Variants in MPP7 observed in about 807,000 individuals in gnomAD.
The protein encoded by MPP7 is MAGUK p55 subfamily member 7.
A neutral mutation model predicts 76.5 loss-of-function variants in MPP7; 60 were observed. That is an observed-to-expected ratio of 0.78 (90% confidence interval 0.64 to 0.97). The LOEUF is 0.97. Ranked by LOEUF, MPP7 falls within the 50% of genes least tolerant of loss-of-function variation. MPP7 has a pLI of 0.00. For missense variants in MPP7, 641 were observed against 694.0 expected (o/e 0.92, Z 0.86); for synonymous variants, 237 against 244.5 (o/e 0.97, Z 0.29).
chr10:28,239,139 T>C (rs1839178823), intron 1 of MPP7, among the ~76,000 whole-genome samples: 1 of 148,998 alleles, frequency 6.7e-6, no homozygotes, highest in Non-Finnish European at 1.5e-5. Flanking sequence ...TAATTTTTAT[T>C]TTTTTATTTT....
intron 3 of MPP7, among the ~76,000 whole-genome samples, chr10:28,185,188 AATT>A (rs546146561): frequency 6.1e-5 from 9 of 148,486 alleles, no homozygotes; most frequent in Non-Finnish European, 1.2e-4. Flanking sequence ...ATAAGTTATA[AATT>A]ATTATGTTGT....
chr10:28,168,721 T>C (rs1200965776), intron 3 of MPP7, among the ~76,000 whole-genome samples: 3 of 152,144 alleles, frequency 2.0e-5, no homozygotes, highest in African/African-American at 7.2e-5. Flanking sequence ...GGTTTCACCA[T>C]GTTAGCCAGA....
At chr10:28,099,916 A>G (rs1446541166) in intron 11 of MPP7, among the ~76,000 whole-genome samples, 2 of 152,134 alleles carry the variant, frequency 1.3e-5, no homozygotes, top group Non-Finnish European at 2.9e-5. Context: ...GAGAAAAAAA[A>G]ACATTTAAAT....
At chr10:28,261,977 C>A (rs1030140861) in intron 1 of MPP7, among the ~76,000 whole-genome samples, 2 of 150,528 alleles carry the variant, frequency 1.3e-5, no homozygotes, top group Admixed American at 6.7e-5. Context: ...TGGTGAAACC[C>A]CATCTCTACT....
chr10:28,064,800 G>C (rs1403343604), intron 13 of MPP7, among the ~76,000 whole-genome samples: 1 of 152,154 alleles, frequency 6.6e-6, no homozygotes, highest in Non-Finnish European at 1.5e-5. Flanking sequence ...GGTGCACCAA[G>C]AGGTAGTGCT....
chr10:28,054,143 T>A lies in MPP7; in HGVS notation c.1653A>T (p.Ala551=), dbSNP rs1476831384. The A allele has an allele frequency of 3.1e-6, 5 of 1,612,060 alleles. No homozygotes were observed. The highest frequency in any genetic ancestry group is 3.4e-6 in the Non-Finnish European group (4 of 1,178,438). Residue 551 remains alanine (A), a synonymous_variant, in exon 17 of 17, where the codon GCA becomes GCT. Transcript: ENST00000683449. ...KIIINDDLTV[A]FNELKTTFDK... The stretch of plus-strand genomic sequence containing the variant: ...CAAAAGTTGTTTTGAGCTCATTGAA[T>A]GCCACAGTGAGGTCATCATTTATTA...
intron 1 of MPP7, chr10:28,254,806 G>T (rs11006957): frequency 0.2 from 30,521 of 152,062 alleles, 3,552 homozygotes; most frequent in East Asian, 0.54. Flanking sequence ...AATCAAGTCG[G>T]CCTGCCCAAA....
upstream of MPP7, chr10:28,303,158 G>A (rs1841209810): frequency 6.6e-6 from 1 of 151,364 alleles, no homozygotes; most frequent in Non-Finnish European, 1.5e-5. Flanking sequence ...GATAGGCTGC[G>A]AAGGCGATAG....
At chr10:28,287,217 T>C (rs1389910671) in intron 1 of MPP7, among the ~76,000 whole-genome samples, 3 of 152,278 alleles carry the variant, frequency 2.0e-5, no homozygotes, top group African/African-American at 4.8e-5. Flanking sequence ...AATTAGATAC[T>C]TGGAAAAATT....
At chr10:28,327,231 T>TAAAAAAAAAAAAAAAAAAAAAAA in intron 2 of MPP7, among the ~76,000 whole-genome samples, 1 of 95,752 alleles carries the variant, frequency 1.0e-5, no homozygotes, top group Non-Finnish European at 2.2e-5. Context: ...GTCAAAGAAG[T>TAAAAAAAAAAAAAAAAAAAAAAA]AAAAAAAAAA....
chr10:28,194,984 T>C (rs1235206386), intron 3 of MPP7, among the ~76,000 whole-genome samples: 3 of 152,200 alleles, frequency 2.0e-5, no homozygotes, highest in African/African-American at 7.2e-5. Flanking sequence ...GGGAGCTATC[T>C]GTACCATCTG....
At chr10:28,158,492 C>T (rs925853059) in intron 3 of MPP7, among the ~76,000 whole-genome samples, 5 of 152,150 alleles carry the variant, frequency 3.3e-5, no homozygotes, top group Admixed American at 1.3e-4. Flanking sequence ...GACAATCCCT[C>T]ATAGAGAACA....
In MPP7 at chr10:28,177,228, A is replaced by G. The variant is rs567355659; in HGVS notation, c.156+24925T>C. Among the ~76,000 whole-genome samples, 40 of 144,796 alleles carry G rather than the reference A, an allele frequency of 2.8e-4. No homozygotes were observed. The South Asian group carries it at 5.8e-3, about 21-fold the overall frequency. 95.0% of individuals were successfully genotyped at this position (144,796 alleles called of 152,430 possible). On this transcript the variant is annotated intron_variant, in intron 3 of 16. Coordinates refer to ENST00000683449, the MANE Select transcript of MPP7 (RefSeq NM_001318170.2). ...TCATGAGTTCGAGACCAGCCTGGCC[A>G]ACATAGTGAAACCCCAACTCTACTA...
At chr10:28,260,435 C>A (rs953683676) in intron 1 of MPP7, among the ~76,000 whole-genome samples, 2 of 152,110 alleles carry the variant, frequency 1.3e-5, no homozygotes, top group Non-Finnish European at 2.9e-5. Flanking sequence ...AAATCTAAAA[C>A]ATATGAAAAT....
intron 2 of MPP7, among the ~76,000 whole-genome samples, chr10:28,225,913 G>A (rs1463209234): frequency 1.3e-5 from 2 of 152,046 alleles, no homozygotes; most frequent in Non-Finnish European, 2.9e-5. Context: ...CTAAATCAAG[G>A]ACTCAAAGAG....
chr10:28,078,748 A>G (rs1048855094), intron 12 of MPP7, among the ~76,000 whole-genome samples: 4 of 152,244 alleles, frequency 2.6e-5, no homozygotes, highest in African/African-American at 9.6e-5. Flanking sequence ...TAATTAGAAA[A>G]GCATAATACT....
intron 1 of MPP7, among the ~76,000 whole-genome samples, chr10:28,262,169 T>A: frequency 1.3e-5 from 1 of 77,732 alleles, no homozygotes; most frequent in South Asian, 7.1e-4. Flanking sequence ...AAAAAGGAAA[T>A]AAATAAATAA....
intron 3 of MPP7, among the ~76,000 whole-genome samples, chr10:28,176,863 A>G (rs1289982890): frequency 8.4e-6 from 1 of 118,774 alleles, no homozygotes. Flanking sequence ...AACATCACAC[A>G]GCGGAGCCTG....
At chr10:28,082,869 C>T (rs1302202399) in intron 12 of MPP7, among the ~76,000 whole-genome samples, 3 of 152,112 alleles carry the variant, frequency 2.0e-5, no homozygotes, top group Non-Finnish European at 4.4e-5. Flanking sequence ...ACAGCTGAGA[C>T]CACAGGCATG....
Sources: gnomAD v4.1 joint callset for allele counts (sites outside exome capture counted in the v4.1 genomes callset) on GRCh38, gnomAD v4.1.1 for gene constraint, MANE v1.5 for transcripts, NCBI Gene and HGNC (gene_info 2026-07-23, HGNC 2026-07-21) for gene names.